Variants in CSMD1 observed in about 807,000 individuals in gnomAD.
CSMD1 encodes the protein CUB and sushi domain-containing protein 1.
In CSMD1, 213 loss-of-function variants were observed where a neutral mutation model predicts 417.5. That is an observed-to-expected ratio of 0.51 (90% confidence interval 0.46 to 0.57). CSMD1 has a LOEUF of 0.57. CSMD1 is among the 20% of genes least tolerant of loss of function. The pLI, the probability that CSMD1 is intolerant of heterozygous loss-of-function variation, is 0.00. For missense variants in CSMD1, 6,923 were observed against 4,529.7 expected, an observed-to-expected ratio of 1.53 and a Z score of -15.17; for synonymous variants, 2,862 against 1,736.8, an observed-to-expected ratio of 1.65 and a Z score of -16.11.
rs375460057 is a variant in CSMD1 at position 4,700,870 on chromosome 8, C to G, written c.86-63312G>C. On this transcript the variant is annotated intron_variant, in intron 1 of 69. Coordinates refer to ENST00000635120, the MANE Select transcript of CSMD1 (RefSeq NM_033225.6). ...GAAGAAAGGATGAAGAACAATAGAC[C>G]TACAGTGCTCCTGTTACATGGAGAA... Among the ~76,000 whole-genome samples, 4 of 152,142 alleles carry G rather than the reference C, an allele frequency of 2.6e-5. No individual in the cohort carries two copies. In the East Asian group the frequency reaches 7.7e-4, roughly 29 times the overall value.
intron 3 of CSMD1, among the ~76,000 whole-genome samples, chr8:4,414,160 G>A (rs774914292): frequency 2.0e-5 from 3 of 152,312 alleles, no homozygotes; most frequent in Non-Finnish European, 4.4e-5. Context: ...AAAGCTTTGA[G>A]CTTGAAGAGT....
intron 3 of CSMD1, among the ~76,000 whole-genome samples, chr8:4,382,484 A>T (rs746643988): frequency 3.3e-5 from 5 of 151,924 alleles, no homozygotes; most frequent in Non-Finnish European, 7.4e-5. Flanking sequence ...CTACATTCCA[A>T]CCACCTAAAC....
At chr8:4,452,070 T>A (rs1799179211) in intron 2 of CSMD1, among the ~76,000 whole-genome samples, 1 of 152,060 alleles carries the variant, frequency 6.6e-6, no homozygotes, top group East Asian at 1.9e-4. Context: ...GGGGCCAGAA[T>A]GATCTCCTCT....
chr8:3,725,534 G>T (rs551537555), intron 6 of CSMD1, among the ~76,000 whole-genome samples: 1 of 152,290 alleles, frequency 6.6e-6, no homozygotes, highest in Admixed American at 6.5e-5. Flanking sequence ...ATGTGGGTTT[G>T]TGTCCCTCCC....
chr8:4,866,121 T>G (rs1238058099), intron 1 of CSMD1, among the ~76,000 whole-genome samples: 1 of 151,972 alleles, frequency 6.6e-6, no homozygotes, highest in Non-Finnish European at 1.5e-5. Context: ...TAATTCAAAG[T>G]GACTAGAATT....
intron 8 of CSMD1, among the ~76,000 whole-genome samples, chr8:3,605,356 A>G (rs1008630894): frequency 5.3e-5 from 8 of 152,356 alleles, no homozygotes; most frequent in South Asian, 2.1e-4. Flanking sequence ...CATAAGTGCA[A>G]TTCTTTACAT....
chr8:3,041,705 G>A (rs1289012242), intron 50 of CSMD1, among the ~76,000 whole-genome samples: 2 of 152,184 alleles, frequency 1.3e-5, no homozygotes, highest in Non-Finnish European at 2.9e-5. Flanking sequence ...ACTGTTAAAT[G>A]AAAGATGAGG....
At chr8:4,630,765 G>C (rs1460230204) in intron 2 of CSMD1, among the ~76,000 whole-genome samples, 1 of 152,078 alleles carries the variant, frequency 6.6e-6, no homozygotes, top group Non-Finnish European at 1.5e-5. Flanking sequence ...TCTAAGCATT[G>C]ATGGGTTTCT....
At chr8:3,814,063 C>G (rs1801234723) in intron 5 of CSMD1, among the ~76,000 whole-genome samples, 1 of 152,114 alleles carries the variant, frequency 6.6e-6, no homozygotes, top group Non-Finnish European at 1.5e-5. Context: ...TATTATTCTG[C>G]AAAATGTGTT....
chr8:4,733,044 TGAAAAATAACTAGAAAAAAGACC>T (rs1810006624), intron 1 of CSMD1, among the ~76,000 whole-genome samples: 1 of 151,542 alleles, frequency 6.6e-6, no homozygotes, highest in Admixed American at 6.6e-5. Context: ...AATCCCCAAA[TGAAAAATAACTAGAAAAAAGACC>T]GAGGTTGGTA....
chr8:4,306,170 C>T (rs779287120), intron 3 of CSMD1, among the ~76,000 whole-genome samples: 1 of 152,056 alleles, frequency 6.6e-6, no homozygotes, highest in Non-Finnish European at 1.5e-5. Context: ...TGGTTTAAAA[C>T]ACGCTGAAGT....
chr8:3,259,883 C>G (rs1204093711), intron 26 of CSMD1, among the ~76,000 whole-genome samples: 1 of 152,010 alleles, frequency 6.6e-6, no homozygotes, highest in Non-Finnish European at 1.5e-5. Flanking sequence ...TAATTTATGA[C>G]ACATGAAATT....
At chr8:3,957,381 T>C (rs1812028451) in intron 5 of CSMD1, among the ~76,000 whole-genome samples, 1 of 152,100 alleles carries the variant, frequency 6.6e-6, no homozygotes, top group South Asian at 2.1e-4. Flanking sequence ...GTGTTAAGCA[T>C]AAAAATATAT....
chr8:4,964,471 A>G (rs372484323), intron 1 of CSMD1, among the ~76,000 whole-genome samples: 4 of 126,660 alleles, frequency 3.2e-5, no homozygotes, highest in South Asian at 2.8e-4. Flanking sequence ...GTGAAACGTG[A>G]TCCCATCACA....
In CSMD1 at chr8:4,056,598, C is replaced by T. The variant is rs2552131; in HGVS notation, c.416-24499G>A. Among the ~76,000 whole-genome samples the T allele has an allele frequency of 1.2e-4, 18 of 151,574 alleles. 1 individual carries two copies. Among genetic ancestry groups the T allele is most frequent in the African/African-American group, 4.1e-4 (17 of 41,194 alleles). On this transcript the variant is annotated intron_variant, in intron 3 of 69. Coordinates refer to ENST00000635120, the MANE Select transcript of CSMD1 (RefSeq NM_033225.6). Reference sequence around the variant, plus strand: ...TGTGCACAATGTGCAGGTAAGTTACCTATGTATACATGTGCCATGCTGGGG... The same window carrying T: ...TGTGCACAATGTGCAGGTAAGTTACTTATGTATACATGTGCCATGCTGGGG...
chr8:4,203,973 C>T (rs1264998998), intron 3 of CSMD1, among the ~76,000 whole-genome samples: 3 of 151,908 alleles, frequency 2.0e-5, no homozygotes, highest in Admixed American at 6.6e-5. Flanking sequence ...TGGTGGTGCA[C>T]GCCTGTGGTC....
chr8:4,802,340 A>AGTGTGTGTGT (rs202111583), intron 1 of CSMD1, among the ~76,000 whole-genome samples: 4 of 145,848 alleles, frequency 2.7e-5, no homozygotes, highest in African/African-American at 1.1e-4. Context: ...AAGCAAAATG[A>AGTGTGTGTGT]GTGTGTGCGC....
chr8:4,987,610 T>C (rs778384792), intron 1 of CSMD1, among the ~76,000 whole-genome samples: 1 of 152,204 alleles, frequency 6.6e-6, no homozygotes, highest in Non-Finnish European at 1.5e-5. Context: ...TGATATTTTA[T>C]ATAATATAAA....
At chr8:2,940,794 G>A (rs1029988776) in intron 69 of CSMD1, among the ~76,000 whole-genome samples, 7 of 152,302 alleles carry the variant, frequency 4.6e-5, no homozygotes, top group Non-Finnish European at 1.0e-4. Context: ...GGCAAGTTGA[G>A]GGAAAACAGC....
Sources: allele counts gnomAD v4.1 joint callset (sites outside exome capture counted in the v4.1 genomes callset), GRCh38; gene constraint gnomAD v4.1.1; transcripts MANE v1.5; gene names NCBI Gene and HGNC (gene_info 2026-07-23, HGNC 2026-07-21).